Variants in NAALADL2 observed in about 807,000 individuals in gnomAD.
NAALADL2 encodes inactive N-acetylated-alpha-linked acidic dipeptidase-like protein 2.
Under a neutral mutation model 87.2 loss-of-function variants are expected in NAALADL2, and 76 were observed. That is an observed-to-expected ratio of 0.87 (90% CI 0.72 to 1.05). NAALADL2 has a LOEUF of 1.05. Ranked by LOEUF, NAALADL2 falls within the 50% of genes least tolerant of loss-of-function variation. The pLI is 0.00. For missense variants in NAALADL2, 1,089 were observed against 945.8 expected (o/e 1.15, Z -1.99); for synonymous variants, 354 against 331.0 (o/e 1.07, Z -0.75).
chr3:175,241,975 C>A (rs1459009344), intron 3 of NAALADL2, among the ~76,000 whole-genome samples: 1 of 146,074 alleles, frequency 6.8e-6, no homozygotes, highest in African/African-American at 2.5e-5. Flanking sequence ...GATTCTCTTG[C>A]CTCAGCCTCC....
intron 10 of NAALADL2, among the ~76,000 whole-genome samples, chr3:175,606,756 T>C (rs942257611): frequency 4.6e-5 from 7 of 152,138 alleles, no homozygotes; most frequent in African/African-American, 1.7e-4. Flanking sequence ...CCTAGCATAC[T>C]TCTGTTCCTT....
chr3:175,459,311 T>C (rs1401404285), intron 6 of NAALADL2, among the ~76,000 whole-genome samples: 2 of 151,822 alleles, frequency 1.3e-5, no homozygotes, highest in Non-Finnish European at 2.9e-5. Context: ...CTGAAAGAAA[T>C]ATAGTAATAG....
intron 13 of NAALADL2, among the ~76,000 whole-genome samples, chr3:175,802,336 G>A (rs909454030): frequency 6.7e-6 from 1 of 149,992 alleles, no homozygotes; most frequent in African/African-American, 2.4e-5. Context: ...TTTGGGGGGG[G>A]ACAATTTTGC....
At chr3:174,673,881 C>A (rs74325079) in intron 2 of NAALADL2, among the ~76,000 whole-genome samples, 8,870 of 151,922 alleles carry the variant, frequency 0.058, 693 homozygotes, top group African/African-American at 0.18. Context: ...GATCATTACA[C>A]AATGTATGCA....
At chr3:174,976,824 A>G (rs1002502882) in intron 1 of NAALADL2, among the ~76,000 whole-genome samples, 3 of 152,254 alleles carry the variant, frequency 2.0e-5, no homozygotes, top group Non-Finnish European at 4.4e-5. Flanking sequence ...TGACATAAAT[A>G]TAAGTAGATA....
At position 175,416,850 on chromosome 3, in the gene NAALADL2, A is replaced by G. The variant is rs115405754; in HGVS notation, c.1091-30379A>G. 2.7e-3 allele frequency among the ~76,000 whole-genome samples: 413 copies of G among 152,148 alleles called. 4 individuals carry two copies. The highest frequency in any genetic ancestry group is 9.2e-3 in the African/African-American group (384 of 41,558). On this transcript the variant is annotated intron_variant, in intron 5 of 13. Coordinates refer to ENST00000454872, the MANE Select transcript of NAALADL2 (RefSeq NM_207015.3). ...AAAACTGCAATTCTATGATACGTGA[A>G]TGTATGTGGATGATAATGTGTGAAA...
chr3:175,201,793 G>GAAA (rs149252405), intron 2 of NAALADL2, among the ~76,000 whole-genome samples: 3 of 137,732 alleles, frequency 2.2e-5, no homozygotes, highest in Non-Finnish European at 3.1e-5. Context: ...TACTTATTTG[G>GAAA]AAAAAAAAAA....
At chr3:175,649,723 C>T (rs1730493903) in intron 11 of NAALADL2, among the ~76,000 whole-genome samples, 1 of 152,168 alleles carries the variant, frequency 6.6e-6, no homozygotes, top group South Asian at 2.1e-4. Flanking sequence ...AGACTTATTA[C>T]CTTACTTAAC....
intron 2 of NAALADL2, among the ~76,000 whole-genome samples, chr3:174,720,806 T>C (rs1388435909): frequency 6.6e-6 from 1 of 152,238 alleles, no homozygotes; most frequent in Non-Finnish European, 1.5e-5. Context: ...ATCCTTTGGT[T>C]AATAAATTCT....
At chr3:175,142,749 A>G (rs1247862637) in intron 2 of NAALADL2, among the ~76,000 whole-genome samples, 1 of 151,922 alleles carries the variant, frequency 6.6e-6, no homozygotes, top group Admixed American at 6.6e-5. Flanking sequence ...ATTTCATTCT[A>G]TAAGGATGAT....
At chr3:175,771,551 G>A (rs1749486997) in intron 13 of NAALADL2, among the ~76,000 whole-genome samples, 3 of 152,130 alleles carry the variant, frequency 2.0e-5, no homozygotes, top group Admixed American at 6.5e-5. Flanking sequence ...CTGGCTCTAA[G>A]GGAGAATCCG....
At chr3:175,492,898 A>AT (rs1728298970) in intron 9 of NAALADL2, among the ~76,000 whole-genome samples, 1 of 152,088 alleles carries the variant, frequency 6.6e-6, no homozygotes, top group African/African-American at 2.4e-5. Flanking sequence ...CATTAAAAAC[A>AT]TCTTCTAGCT....
chr3:174,828,522 T>A (rs1233129535), intron 3 of NAALADL2, among the ~76,000 whole-genome samples: 1 of 152,198 alleles, frequency 6.6e-6, no homozygotes, highest in Non-Finnish European at 1.5e-5. Flanking sequence ...AGTTGCTGTA[T>A]CATGGAATAA....
intron 13 of NAALADL2, among the ~76,000 whole-genome samples, chr3:175,763,879 T>A (rs1386750495): frequency 2.0e-5 from 3 of 152,042 alleles, no homozygotes; most frequent in Admixed American, 6.6e-5. Flanking sequence ...GAGATAGGTT[T>A]ATAGGGAAAT....
intron 11 of NAALADL2, among the ~76,000 whole-genome samples, chr3:175,654,644 G>C (rs2149795727): frequency 6.6e-6 from 1 of 152,330 alleles, no homozygotes; most frequent in South Asian, 2.1e-4. Context: ...TGTAAGTGCA[G>C]CTGCAGGCAT....
chr3:174,823,493 C>A (rs900776854), intron 3 of NAALADL2, among the ~76,000 whole-genome samples: 3 of 152,052 alleles, frequency 2.0e-5, no homozygotes, highest in African/African-American at 7.2e-5. Flanking sequence ...TAGATTGTTA[C>A]AGAAACTTTA....
intron 12 of NAALADL2, among the ~76,000 whole-genome samples, chr3:175,739,857 A>G (rs1239103566): frequency 6.6e-6 from 1 of 152,242 alleles, no homozygotes; most frequent in Non-Finnish European, 1.5e-5. Context: ...TCAAACTAAT[A>G]TCAATCACTA....
At chr3:175,711,098 A>G (rs918805781) in intron 11 of NAALADL2, among the ~76,000 whole-genome samples, 7 of 151,928 alleles carry the variant, frequency 4.6e-5, no homozygotes, top group African/African-American at 1.7e-4. Context: ...CTCGGTGCTA[A>G]AAAGAAAATA....
chr3:174,738,934 T>A (rs547687645), intron 3 of NAALADL2, among the ~76,000 whole-genome samples: 1 of 152,170 alleles, frequency 6.6e-6, no homozygotes, highest in Admixed American at 6.6e-5. Context: ...AAAAATTATT[T>A]ATCTAGAATG....
Sources: allele counts gnomAD v4.1 joint callset (sites outside exome capture counted in the v4.1 genomes callset), GRCh38; gene constraint gnomAD v4.1.1; transcripts MANE v1.5; gene names NCBI Gene and HGNC (gene_info 2026-07-23, HGNC 2026-07-21).